The following RNLS variants were observed in gnomAD, a reference collection of about 807,000 sequenced individuals.
The protein encoded by RNLS is renalase, FAD dependent amine oxidase, also known as renalase.
In RNLS, 39 loss-of-function variants were observed where a neutral mutation model predicts 39.8. That is an observed-to-expected ratio of 0.98 (90% confidence interval 0.76 to 1.28). The LOEUF is 1.28. Ranked by LOEUF, RNLS falls within the 50% of genes most tolerant of loss-of-function variation. RNLS has a pLI of 0.00. For missense variants in RNLS, 410 were observed against 413.3 expected, an observed-to-expected ratio of 0.99 and a Z score of 0.07; for synonymous variants, 147 against 150.7, an observed-to-expected ratio of 0.98 and a Z score of 0.18.
chr10:88,210,298 A>G, the RNLS span, among the ~76,000 whole-genome samples: 1 of 152,222 alleles, frequency 6.6e-6, no homozygotes, highest in Non-Finnish European at 1.5e-5. Flanking sequence ...AAGCCAGCAC[A>G]GTGATCCCTA....
At chr10:88,219,751 T>C in the RNLS span, among the ~76,000 whole-genome samples, 14 of 152,234 alleles carry the variant, frequency 9.2e-5, no homozygotes, top group African/African-American at 3.4e-4. Flanking sequence ...TGTCTGTGAC[T>C]TGTTGAGATT....
intron 4 of RNLS, among the ~76,000 whole-genome samples, chr10:88,563,323 T>A (rs763365491): frequency 4.3e-4 from 65 of 152,164 alleles, no homozygotes; most frequent in African/African-American, 1.5e-3. Flanking sequence ...GAAAAGAGTT[T>A]AGTGAAAAGA....
chr10:88,497,400 G>T (rs1194976531), intron 4 of RNLS, among the ~76,000 whole-genome samples: 1 of 151,876 alleles, frequency 6.6e-6, no homozygotes, highest in Non-Finnish European at 1.5e-5. Context: ...CTTGATTTTG[G>T]TTAGTAGGTT....
the RNLS span, among the ~76,000 whole-genome samples, chr10:88,208,110 T>G: frequency 6.6e-6 from 1 of 152,152 alleles, no homozygotes. Context: ...TGTCTCTCTA[T>G]AGGCGAATTG....
intron 4 of RNLS, among the ~76,000 whole-genome samples, chr10:88,526,347 A>C (rs1224387161): frequency 6.6e-6 from 1 of 151,952 alleles, no homozygotes; most frequent in Non-Finnish European, 1.5e-5. Flanking sequence ...AAGCATGAAG[A>C]ATTAAGCATT....
At chr10:88,439,515 C>T (rs992214857) in intron 4 of RNLS, among the ~76,000 whole-genome samples, 1 of 152,134 alleles carries the variant, frequency 6.6e-6, no homozygotes. Flanking sequence ...TCAAGCAGCA[C>T]AAACTTTAAA....
intron 4 of RNLS, among the ~76,000 whole-genome samples, chr10:88,528,993 G>A (rs2134232428): frequency 6.6e-6 from 1 of 152,224 alleles, no homozygotes; most frequent in East Asian, 1.9e-4. Flanking sequence ...ATAAATTAAT[G>A]CTAGGAATGT....
chr10:88,463,147 T>G (rs1369241418), intron 4 of RNLS, among the ~76,000 whole-genome samples: 1 of 152,030 alleles, frequency 6.6e-6, no homozygotes, highest in Non-Finnish European at 1.5e-5. Flanking sequence ...TAAGCCCCAG[T>G]ACCTCATAAT....
intron 4 of RNLS, among the ~76,000 whole-genome samples, chr10:88,395,961 C>T (rs972869249): frequency 2.6e-5 from 4 of 151,990 alleles, no homozygotes; most frequent in Non-Finnish European, 4.4e-5. Flanking sequence ...GAGAAAAAAA[C>T]ATCTACCAAG....
At chr10:88,208,617 A>G in the RNLS span, among the ~76,000 whole-genome samples, 1 of 152,130 alleles carries the variant, frequency 6.6e-6, no homozygotes, top group Admixed American at 6.6e-5. Flanking sequence ...GGGAAAAAAA[A>G]TTGCCATCTC....
chr10:88,240,305 G>A, the RNLS span, among the ~76,000 whole-genome samples: 1 of 152,042 alleles, frequency 6.6e-6, no homozygotes, highest in Non-Finnish European at 1.5e-5. Flanking sequence ...ATCAAGTAGT[G>A]ACTCTGCCTG....
chr10:88,465,558 C>T (rs1370239364), intron 4 of RNLS, among the ~76,000 whole-genome samples: 1 of 151,968 alleles, frequency 6.6e-6, no homozygotes, highest in Non-Finnish European at 1.5e-5. Context: ...TAGGTGGGTG[C>T]AGGGGGATGG....
intron 5 of RNLS, among the ~76,000 whole-genome samples, chr10:88,329,722 T>C (rs1171156889): frequency 6.6e-6 from 1 of 152,120 alleles, no homozygotes; most frequent in Admixed American, 6.6e-5. Context: ...AAATTCTGTG[T>C]AATTTTTTGT....
intron 2 of RNLS, 35 bp from the exon 3 acceptor site, chr10:88,581,744 A>G (rs748018203): frequency 7.1e-7 from 1 of 1,402,306 alleles, no homozygotes; most frequent in Non-Finnish European, 9.6e-7. Context: ...TAATGTAATT[A>G]TATACCATGA....
At chr10:88,184,434 T>C in the RNLS span, among the ~76,000 whole-genome samples, 1 of 152,162 alleles carries the variant, frequency 6.6e-6, no homozygotes, top group Non-Finnish European at 1.5e-5. Context: ...GACATTGAAA[T>C]TGAATAATCA....
At chr10:88,452,068 A>G (rs1457236541) in intron 4 of RNLS, among the ~76,000 whole-genome samples, 1 of 152,190 alleles carries the variant, frequency 6.6e-6, no homozygotes, top group East Asian at 1.9e-4. Context: ...AGAGATTATT[A>G]TATGTGTGGA....
At chr10:88,532,161 C>G (rs1333475529) in intron 4 of RNLS, among the ~76,000 whole-genome samples, 1 of 152,032 alleles carries the variant, frequency 6.6e-6, no homozygotes, top group African/African-American at 2.4e-5. Context: ...CTTTACATTT[C>G]TGTTAAATGC....
At chr10:88,341,119 C>T (rs1189540982) in intron 5 of RNLS, among the ~76,000 whole-genome samples, 4 of 149,532 alleles carry the variant, frequency 2.7e-5, no homozygotes, top group East Asian at 3.9e-4. Flanking sequence ...CACCTGAGGT[C>T]GGGAGTTCGA....
At chr10:88,290,703 T>C (rs546230471) in intron 6 of RNLS, among the ~76,000 whole-genome samples, 2 of 152,352 alleles carry the variant, frequency 1.3e-5, no homozygotes, top group Admixed American at 6.5e-5. Flanking sequence ...CATTTAGAGA[T>C]GGACTTCTCC....
Sources: allele counts gnomAD v4.1 joint callset (sites outside exome capture counted in the v4.1 genomes callset), GRCh38; gene constraint gnomAD v4.1.1; transcripts MANE v1.5; gene names NCBI Gene and HGNC (gene_info 2026-07-23, HGNC 2026-07-21).